Variants in PTPRD observed in about 807,000 individuals in gnomAD.
PTPRD encodes receptor-type tyrosine-protein phosphatase delta.
In PTPRD, 34 loss-of-function variants were observed where a neutral mutation model predicts 214.5. That is an observed-to-expected ratio of 0.16 (90% CI 0.12 to 0.21). The LOEUF (loss-of-function observed/expected upper bound fraction) is 0.21. Among genes scored for constraint, PTPRD ranks in the 10% least tolerant of loss-of-function variants. PTPRD has a pLI of 1.00. For synonymous variants in PTPRD, 1,128 were observed against 845.7 expected (o/e 1.33, Z -5.79); for missense variants, 2,545 against 2,398.7 (o/e 1.06, Z -1.27).
chr9:9,670,110 G>A (rs1032935002), intron 7 of PTPRD, among the ~76,000 whole-genome samples: 6 of 152,110 alleles, frequency 3.9e-5, no homozygotes, highest in African/African-American at 1.4e-4. Context: ...TGTAAAATTA[G>A]CAATTAGTAA....
At chr9:10,107,609 T>C (rs955188347) in intron 3 of PTPRD, among the ~76,000 whole-genome samples, 1 of 152,088 alleles carries the variant, frequency 6.6e-6, no homozygotes, top group Admixed American at 6.6e-5. Context: ...ACATAATGCA[T>C]GTAATAGTAC....
At chr9:9,936,309 A>C (rs1186802964) in intron 5 of PTPRD, among the ~76,000 whole-genome samples, 3 of 151,802 alleles carry the variant, frequency 2.0e-5, no homozygotes, top group Admixed American at 6.6e-5. Flanking sequence ...AAATGGGAGA[A>C]AATTTTCACA....
intron 4 of PTPRD, among the ~76,000 whole-genome samples, chr9:9,998,952 T>G (rs2096242842): frequency 6.6e-6 from 1 of 152,192 alleles, no homozygotes. Flanking sequence ...TTTTTTTTCC[T>G]TCTATAAGAA....
At chr9:9,522,834 A>C (rs1165423620) in intron 8 of PTPRD, among the ~76,000 whole-genome samples, 1 of 152,152 alleles carries the variant, frequency 6.6e-6, no homozygotes, top group Non-Finnish European at 1.5e-5. Flanking sequence ...GGAATTATGA[A>C]TTGAGGGATT....
At chr9:9,774,891 G>A (rs1397821619) in intron 5 of PTPRD, among the ~76,000 whole-genome samples, 1 of 152,120 alleles carries the variant, frequency 6.6e-6, no homozygotes, top group Non-Finnish European at 1.5e-5. Flanking sequence ...ATAAATGCCT[G>A]ATCTTCAAAA....
At chr9:8,555,828 G>A (rs2083562442) in intron 14 of PTPRD, among the ~76,000 whole-genome samples, 2 of 152,114 alleles carry the variant, frequency 1.3e-5, no homozygotes, top group Non-Finnish European at 2.9e-5. Context: ...ACTGAAAGTG[G>A]GCAACAAATA....
intron 4 of PTPRD, among the ~76,000 whole-genome samples, chr9:9,955,842 T>TA (rs916505366): frequency 1.1e-4 from 16 of 151,974 alleles, no homozygotes; most frequent in Admixed American, 9.2e-4. Context: ...CTTAAGAAAA[T>TA]AATCATACTG....
At position 9,530,233 on chromosome 9, in the gene PTPRD, T is replaced by C. The variant is rs189674751; in HGVS notation, c.-237+44499A>G. On this transcript the variant is annotated intron_variant, in intron 8 of 45. Transcript: ENST00000381196. Reference sequence around the variant, plus strand: ...ACACAAAGTTGGTCTCTGAAAACAATAAAATCAATGAAACACTTTCCAGAC... The same window carrying C: ...ACACAAAGTTGGTCTCTGAAAACAACAAAATCAATGAAACACTTTCCAGAC... Among the ~76,000 whole-genome samples the C allele has an allele frequency of 2.3e-3, 345 of 151,858 alleles. 4 individuals are homozygous for C. Among genetic ancestry groups the C allele is most frequent in the African/African-American group, 7.0e-3 (290 of 41,406 alleles).
At chr9:9,347,602 G>A (rs1279529896) in intron 9 of PTPRD, among the ~76,000 whole-genome samples, 1 of 151,954 alleles carries the variant, frequency 6.6e-6, no homozygotes, top group East Asian at 1.9e-4. Flanking sequence ...GAAAAACAAG[G>A]CAATATCCAT....
chr9:8,315,060 A>G lies in PTPRD; in HGVS notation c.*2814T>C, dbSNP rs1820973369. On this transcript the variant is annotated 3_prime_UTR_variant, in exon 46 of 46. Transcript: ENST00000381196. Reference sequence around the variant, plus strand: ...TACACGTACATAGGTAAATAATAGCACCGTACTGGTTATGATGATGAAAAT... The same window carrying G: ...TACACGTACATAGGTAAATAATAGCGCCGTACTGGTTATGATGATGAAAAT... The G allele has an allele frequency of 4.3e-6, 1 of 232,452 alleles. No individual in the cohort carries two copies. The highest frequency in any genetic ancestry group is 2.2e-5 in the African/African-American group (1 of 45,248). 14.4% of individuals were successfully genotyped at this position (232,452 alleles called of 1,614,324 possible). A position where few individuals can be genotyped will look rare whatever the true frequency, so the allele number is the denominator to read the frequency against.
intron 9 of PTPRD, among the ~76,000 whole-genome samples, chr9:9,273,078 T>C (rs1359074731): frequency 1.3e-5 from 2 of 151,342 alleles, no homozygotes; most frequent in Non-Finnish European, 3.0e-5. Context: ...AAATTTGAAT[T>C]TGAGTTTTGT....
At position 8,404,560 on chromosome 9, in the gene PTPRD, C is replaced by A. The variant is rs781289256; in HGVS notation, c.4187G>T (p.Arg1396Leu). The A allele has an allele frequency of 3.8e-5, 62 of 1,612,630 alleles. No homozygotes were observed. Among genetic ancestry groups the A allele is most frequent in the Non-Finnish European group, 5.3e-5 (62 of 1,179,018 alleles). Residue 1396 changes from arginine to leucine, a missense_variant, in exon 36 of 46, where the codon CGG (arginine) becomes CTG (leucine). Transcript: ENST00000381196. ...ACCTTCTATAGCTGATAGGAGAACC[C>A]GGGAATGATCATATGCGATTACATT... Reference protein sequence around the residue: ...YANVIAYDHSRVLLSAIEGIP... With the variant: ...YANVIAYDHSLVLLSAIEGIP...
intron 8 of PTPRD, among the ~76,000 whole-genome samples, chr9:9,534,965 G>A (rs2076225042): frequency 6.6e-6 from 1 of 152,008 alleles, no homozygotes; most frequent in Non-Finnish European, 1.5e-5. Context: ...TAAAGATGAG[G>A]AACAAGTTCC....
intron 9 of PTPRD, among the ~76,000 whole-genome samples, chr9:9,302,035 T>C (rs760917071): frequency 7.9e-5 from 12 of 151,952 alleles, no homozygotes; most frequent in Non-Finnish European, 1.8e-4. Flanking sequence ...CTTTAGCAAA[T>C]TGATAAATTA....
At chr9:9,382,667 G>A (rs551731385) in intron 9 of PTPRD, among the ~76,000 whole-genome samples, 13 of 152,092 alleles carry the variant, frequency 8.5e-5, no homozygotes, top group African/African-American at 2.4e-4. Context: ...TGTCCATGAG[G>A]GGACAGAGAA....
chr9:9,511,881 T>A (rs1034254065), intron 8 of PTPRD, among the ~76,000 whole-genome samples: 10 of 151,716 alleles, frequency 6.6e-5, no homozygotes, highest in African/African-American at 2.4e-4. Context: ...GGTTTTCCCC[T>A]AAGGATGAGC....
intron 43 of PTPRD, 60 bp downstream of exon 43, chr9:8,338,862 A>AGAGAGAGAGAGAGAGG: frequency 6.6e-7 from 1 of 1,512,292 alleles, no homozygotes. Context: ...AGAGAGAGAG[A>AGAGAGAGAGAGAGAGG]GAGGTATCTT....
At chr9:8,837,834 C>T (rs561344188) in intron 11 of PTPRD, among the ~76,000 whole-genome samples, 1 of 152,068 alleles carries the variant, frequency 6.6e-6, no homozygotes, top group East Asian at 1.9e-4. Context: ...TGAAACTGTG[C>T]CATTTAAAAC....
intron 12 of PTPRD, among the ~76,000 whole-genome samples, chr9:8,679,169 C>A (rs1037370885): frequency 6.6e-6 from 1 of 152,142 alleles, no homozygotes; most frequent in African/African-American, 2.4e-5. Context: ...CTAGTCGCTT[C>A]CTACTGAATT....
Sources: allele counts gnomAD v4.1 joint callset (sites outside exome capture counted in the v4.1 genomes callset), GRCh38; gene constraint gnomAD v4.1.1; transcripts MANE v1.5; gene names NCBI Gene and HGNC (gene_info 2026-07-23, HGNC 2026-07-21).